Variants in CDH12 observed in about 807,000 individuals in gnomAD.
The protein encoded by CDH12 is cadherin-12.
A neutral mutation model predicts 74.1 loss-of-function variants in CDH12; 41 were observed. The observed-to-expected ratio is 0.55, with a 90% CI of 0.43 to 0.72. CDH12 has a LOEUF of 0.72. Among genes scored for constraint, CDH12 ranks in the 30% least tolerant of loss-of-function variants. The probability of loss-of-function intolerance (pLI) is 0.00; values close to 1 mark genes in which losing one functional copy is unlikely to be tolerated. For synonymous variants in CDH12, 399 were observed against 355.0 expected (o/e 1.12, Z -1.39); for missense variants, 945 against 977.2 (o/e 0.97, Z 0.44).
chr5:22,397,095 A>T (rs1221099041), intron 3 of CDH12, among the ~76,000 whole-genome samples: 2 of 152,126 alleles, frequency 1.3e-5, no homozygotes, highest in Admixed American at 1.3e-4. Flanking sequence ...CTAAAAAGAC[A>T]ATATCTCCCT....
intron 1 of CDH12, among the ~76,000 whole-genome samples, chr5:22,625,151 G>C (rs953992270): frequency 4.6e-5 from 7 of 152,002 alleles, no homozygotes; most frequent in African/African-American, 1.7e-4. Context: ...CACACACCGG[G>C]GCCTGTCTTG....
At chr5:22,775,795 C>T (rs780427528) in intron 1 of CDH12, among the ~76,000 whole-genome samples, 2 of 152,040 alleles carry the variant, frequency 1.3e-5, no homozygotes, top group African/African-American at 2.4e-5. Flanking sequence ...ACTGTGTCCC[C>T]GCCCAGCTCT....
chr5:22,619,314 T>C (rs1288485973), intron 1 of CDH12, among the ~76,000 whole-genome samples: 1 of 152,098 alleles, frequency 6.6e-6, no homozygotes, highest in African/African-American at 2.4e-5. Context: ...TGAGAACTTA[T>C]CTGAGCCAAT....
rs138672278 is a variant in CDH12, at chr5:22,813,668, A to T, written c.-523+39390T>A. Among the ~76,000 whole-genome samples the T allele has an allele frequency of 1.0e-3, 155 of 152,228 alleles. 1 individual carries two copies. The highest frequency in any genetic ancestry group is 6.8e-3 in the Middle Eastern group (2 of 294). ...CCCTGTTGGCCTTTGGGAAGCTAAA[A>T]GTCATCTCGGGGTGGCTCACATGGC... is the stretch of plus-strand genomic sequence containing the variant. On this transcript the variant is annotated intron_variant, in intron 1 of 14. Coordinates refer to ENST00000382254, the MANE Select transcript of CDH12 (RefSeq NM_004061.5).
intron 1 of CDH12, among the ~76,000 whole-genome samples, chr5:22,567,147 T>A (rs431616): frequency 0.21 from 31,679 of 152,110 alleles, 3,644 homozygotes; most frequent in African/African-American, 0.3. Context: ...ATCTTCAAGC[T>A]ACTTATAGCA....
chr5:21,877,870 T>C (rs907013760), intron 6 of CDH12, among the ~76,000 whole-genome samples: 27 of 152,206 alleles, frequency 1.8e-4, no homozygotes, highest in African/African-American at 6.3e-4. Flanking sequence ...AAGGACTGCA[T>C]TGATACCCAT....
At chr5:22,017,923 C>T (rs1318447136) in intron 5 of CDH12, among the ~76,000 whole-genome samples, 4 of 152,010 alleles carry the variant, frequency 2.6e-5, no homozygotes, top group Admixed American at 1.3e-4. Context: ...CCATGCCTGG[C>T]TAATTTTGTA....
chr5:22,723,643 C>T (rs759753828), intron 1 of CDH12, among the ~76,000 whole-genome samples: 10 of 152,000 alleles, frequency 6.6e-5, no homozygotes, highest in Non-Finnish European at 1.2e-4. Flanking sequence ...ACCTTCATAA[C>T]CTTTAGTGTT....
At chr5:22,252,289 C>T (rs1314225781) in intron 3 of CDH12, among the ~76,000 whole-genome samples, 1 of 151,588 alleles carries the variant, frequency 6.6e-6, no homozygotes, top group Non-Finnish European at 1.5e-5. Flanking sequence ...TAGAATGGGA[C>T]ACATATAATA....
intron 1 of CDH12, among the ~76,000 whole-genome samples, chr5:22,518,708 C>G (rs1415059435): frequency 1.3e-5 from 2 of 152,156 alleles, no homozygotes; most frequent in Non-Finnish European, 2.9e-5. Flanking sequence ...GACTTCCACA[C>G]CCTGCCACCA....
chr5:22,591,268 A>G (rs937249515), intron 1 of CDH12, among the ~76,000 whole-genome samples: 1 of 152,222 alleles, frequency 6.6e-6, no homozygotes, highest in Non-Finnish European at 1.5e-5. Flanking sequence ...TATAAAATAC[A>G]ATATTTGAGC....
At chr5:22,834,105 C>G (rs984637758) in intron 1 of CDH12, among the ~76,000 whole-genome samples, 2 of 152,120 alleles carry the variant, frequency 1.3e-5, no homozygotes, top group South Asian at 4.1e-4. Flanking sequence ...GTCTATTGCA[C>G]TTTATAATTG....
At chr5:22,605,861 G>A (rs1388528162) in intron 1 of CDH12, among the ~76,000 whole-genome samples, 1 of 152,202 alleles carries the variant, frequency 6.6e-6, no homozygotes, top group Non-Finnish European at 1.5e-5. Context: ...TGAGGTCCTT[G>A]TGCAGGCAAG....
At chr5:22,569,527 A>T (rs1421485516) in intron 1 of CDH12, among the ~76,000 whole-genome samples, 1 of 152,194 alleles carries the variant, frequency 6.6e-6, no homozygotes, top group African/African-American at 2.4e-5. Flanking sequence ...TTATAGCAAC[A>T]CAAGAATGGT....
chr5:21,758,630 T>C (rs1426916687), intron 13 of CDH12, among the ~76,000 whole-genome samples: 2 of 152,194 alleles, frequency 1.3e-5, no homozygotes, highest in Non-Finnish European at 2.9e-5. Context: ...TGATTGATAC[T>C]CAACCTTAAT....
chr5:22,711,621 A>G (rs963343411), intron 1 of CDH12, among the ~76,000 whole-genome samples: 4 of 152,252 alleles, frequency 2.6e-5, no homozygotes, highest in African/African-American at 9.6e-5. Context: ...AAGAATTCCC[A>G]GTAAATAATT....
rs201025243 is a variant in CDH12 at position 22,251,749 on chromosome 5, T to C, written c.-332-39106A>G. Among the ~76,000 whole-genome samples the C allele has an allele frequency of 3.3e-4, 51 of 152,298 alleles. 1 individual carries two copies. The East Asian group carries it at 5.8e-3, about 17-fold the overall frequency. On this transcript the variant is annotated intron_variant, in intron 3 of 14. Transcript: ENST00000382254. ...ACACAGAAAAAGAAAGTGTTGGCTA[T>C]TGGAATTCCTCTACAATAGAATGAT...
At chr5:22,250,205 A>ATTT (rs398108688) in intron 3 of CDH12, among the ~76,000 whole-genome samples, 5 of 151,922 alleles carry the variant, frequency 3.3e-5, no homozygotes, top group African/African-American at 1.2e-4. Flanking sequence ...ATATATATAT[A>ATTT]GTCTACTGCT....
chr5:22,317,498 C>G (rs1175889195), intron 3 of CDH12, among the ~76,000 whole-genome samples: 2 of 151,986 alleles, frequency 1.3e-5, no homozygotes, highest in African/African-American at 4.8e-5. Flanking sequence ...GATTATAAGA[C>G]AACCAACCAT....
Sources: gnomAD v4.1 joint callset for allele counts (sites outside exome capture counted in the v4.1 genomes callset) on GRCh38, gnomAD v4.1.1 for gene constraint, MANE v1.5 for transcripts, NCBI Gene and HGNC (gene_info 2026-07-23, HGNC 2026-07-21) for gene names.